Variants in SLC17A8 observed in about 807,000 individuals in gnomAD.
SLC17A8 encodes the protein solute carrier family 17 member 8, also known as vesicular glutamate transporter 3.
A neutral mutation model predicts 58.0 loss-of-function variants in SLC17A8; 31 were observed. The ratio of observed to expected loss-of-function variants is 0.53; its 90% CI spans 0.40 to 0.72. SLC17A8 has a LOEUF of 0.72. Among genes scored for constraint, SLC17A8 ranks in the 30% least tolerant of loss-of-function variants. SLC17A8 has a pLI of 0.00. For synonymous variants in SLC17A8, 228 were observed against 249.0 expected, an observed-to-expected ratio of 0.92 and a Z score of 0.79; for missense variants, 655 against 727.8, an observed-to-expected ratio of 0.90 and a Z score of 1.15.
chr12:100,404,504 A>G (rs998109991), intron 9 of SLC17A8: 4 of 177,736 alleles, frequency 2.3e-5, no homozygotes, highest in Admixed American at 6.8e-5. Context: ...GGATATATGC[A>G]CACACACACA....
At chr12:100,367,491 A>C (rs1424815884) in intron 1 of SLC17A8, among the ~76,000 whole-genome samples, 1 of 152,224 alleles carries the variant, frequency 6.6e-6, no homozygotes, top group African/African-American at 2.4e-5. Context: ...AACCAAAATA[A>C]GGACACTCTT....
At chr12:100,389,373 G>C (rs1354009710) in intron 2 of SLC17A8, among the ~76,000 whole-genome samples, 2 of 152,158 alleles carry the variant, frequency 1.3e-5, no homozygotes, top group African/African-American at 4.8e-5. Context: ...TGGATAGGTA[G>C]AATGGGCTTT....
At chr12:100,412,119 C>T (rs1445488931) in intron 9 of SLC17A8, among the ~76,000 whole-genome samples, 1 of 152,032 alleles carries the variant, frequency 6.6e-6, no homozygotes, top group Non-Finnish European at 1.5e-5. Context: ...GGGACAGCTA[C>T]CCATGAAGCA....
intron 9 of SLC17A8, among the ~76,000 whole-genome samples, chr12:100,408,879 T>G (rs1952845269): frequency 6.6e-6 from 1 of 152,182 alleles, no homozygotes; most frequent in Non-Finnish European, 1.5e-5. Flanking sequence ...GTCTTAAATG[T>G]TGAAACAAAA....
chr12:100,401,516 T>G (rs1433694772), intron 5 of SLC17A8, among the ~76,000 whole-genome samples: 1 of 152,120 alleles, frequency 6.6e-6, no homozygotes, highest in East Asian at 1.9e-4. Context: ...CATTCTCTCA[T>G]GTAATTCCAA....
chr12:100,418,055 G>A lies in SLC17A8; in HGVS notation c.1324G>A (p.Ala442Thr). The part of the protein sequence containing the change: ...SGFNVNHLDI[A>T]PRYASILMGI... ...TTTTAATGTCAACCACCTGGACATT[G>A]CCCCACGCTATGCCAGCATTCTCAT... The change falls in exon 11 of 12, where the codon GCC (alanine) becomes ACC (threonine). Residue 442 changes from alanine to threonine, a missense_variant. Transcript: ENST00000323346. The A allele has an allele frequency of 6.2e-7, 1 of 1,614,156 alleles. No homozygotes were observed.
At chr12:100,379,484 G>A (rs1469755177) in intron 1 of SLC17A8, among the ~76,000 whole-genome samples, 1 of 149,284 alleles carries the variant, frequency 6.7e-6, no homozygotes, top group East Asian at 2.0e-4. Flanking sequence ...ATATGAACTT[G>A]TGGGCAAATG....
intron 2 of SLC17A8, among the ~76,000 whole-genome samples, chr12:100,388,567 G>C (rs1592996914): frequency 6.6e-6 from 1 of 152,186 alleles, no homozygotes; most frequent in Non-Finnish European, 1.5e-5. Context: ...AAAGTGGCTT[G>C]GACTGTGAGC....
Position 100,416,678 on chromosome 12 carries a change from ATG to A in SLC17A8, c.1298-1348_1298-1347del, listed in dbSNP as rs547193558. On this transcript the variant is annotated intron_variant, in intron 10 of 11. Coordinates refer to ENST00000323346, the MANE Select transcript of SLC17A8 (RefSeq NM_139319.3). ...AGCAACTATTTATTGAGTGACTACA[ATG>A]TGCCAGGCACTTTGCTAGTTCAGGG... Among the ~76,000 whole-genome samples, 10 of 152,346 alleles carry A rather than the reference ATG, an allele frequency of 6.6e-5. No individual in the cohort carries two copies. In the East Asian group the frequency reaches 1.2e-3, roughly 18 times the overall value.
intron 2 of SLC17A8, 138 bp from the exon 3 acceptor site, chr12:100,390,862 AG>A: frequency 1.4e-6 from 1 of 712,082 alleles, no homozygotes; most frequent in Non-Finnish European, 2.6e-6. Context: ...CAAGTATGTA[AG>A]ATGCCCTCCA....
intron 1 of SLC17A8, 91 bp from the exon 2 acceptor site, chr12:100,380,610 T>C: frequency 6.8e-7 from 1 of 1,478,362 alleles, no homozygotes; most frequent in Non-Finnish European, 9.3e-7. Context: ...TTGTTTTTCA[T>C]CTGCTGGTAC....
intron 10 of SLC17A8, among the ~76,000 whole-genome samples, chr12:100,413,103 T>TA (rs1952882272): frequency 6.6e-6 from 1 of 152,116 alleles, no homozygotes; most frequent in Admixed American, 6.5e-5. Context: ...CTTACTTTGT[T>TA]ACGGGAAAAG....
intron 2 of SLC17A8, among the ~76,000 whole-genome samples, chr12:100,390,033 C>T (rs1952704204): frequency 6.6e-6 from 1 of 151,946 alleles, no homozygotes; most frequent in Non-Finnish European, 1.5e-5. Context: ...GTTGGCTAGG[C>T]TGGTCTCAAA....
intron 2 of SLC17A8, among the ~76,000 whole-genome samples, chr12:100,387,250 C>T (rs893266185): frequency 3.9e-4 from 60 of 152,130 alleles, no homozygotes; most frequent in Admixed American, 1.3e-4. Context: ...TCTCTTCATC[C>T]TCACCAACAC....
At chr12:100,380,657 T>C (rs1208961116) in intron 1 of SLC17A8, 44 bp from the exon 2 acceptor site, 1 of 1,612,968 alleles carries the variant, frequency 6.2e-7, no homozygotes, top group South Asian at 1.1e-5. Context: ...TCTTTTTCCT[T>C]TAATCCTGGC....
chr12:100,362,291 C>A (rs1302859684), intron 1 of SLC17A8, among the ~76,000 whole-genome samples: 1 of 152,206 alleles, frequency 6.6e-6, no homozygotes, highest in Non-Finnish European at 1.5e-5. Flanking sequence ...GGAACCAGAA[C>A]TGTCACCTCA....
At chr12:100,374,618 A>T (rs1390135343) in intron 1 of SLC17A8, among the ~76,000 whole-genome samples, 1 of 152,232 alleles carries the variant, frequency 6.6e-6, no homozygotes, top group Non-Finnish European at 1.5e-5. Context: ...TCTCAAAAAA[A>T]TAAATAAAAC....
Position 100,421,658 on chromosome 12 carries a change from G to GTTTTTTTCTTTTTTTT in SLC17A8, c.*1506_*1507insCTTTTTTTTTTTTTTT, listed in dbSNP as rs1952949373. On this transcript the variant is annotated 3_prime_UTR_variant, in exon 12 of 12. Coordinates refer to ENST00000323346, the MANE Select transcript of SLC17A8 (RefSeq NM_139319.3). ...TACTTGTAGCTTATTATTGTAAAGTGTTTTTTTTTTTTTTTTTTTTTTCTA... is the reference window on the plus strand; with the variant it reads ...TACTTGTAGCTTATTATTGTAAAGTGTTTTTTTCTTTTTTTTTTTTTTTTTTTTTTTTTTTTTTCTA... The GTTTTTTTCTTTTTTTT allele has an allele frequency of 9.1e-6, 1 of 109,872 alleles. No homozygotes were observed. 6.8% of individuals were successfully genotyped at this position (109,872 alleles called of 1,614,324 possible).
chr12:100,407,666 C>T (rs969433904), intron 9 of SLC17A8, among the ~76,000 whole-genome samples: 2 of 151,850 alleles, frequency 1.3e-5, no homozygotes, highest in Middle Eastern at 3.2e-3. Flanking sequence ...AGTGCAGTGG[C>T]GTGATCTCAG....
Sources: gnomAD v4.1 joint callset for allele counts (sites outside exome capture counted in the v4.1 genomes callset) on GRCh38, gnomAD v4.1.1 for gene constraint, MANE v1.5 for transcripts, NCBI Gene and HGNC (gene_info 2026-07-23, HGNC 2026-07-21) for gene names.